The following GAPVD1 variants were observed in gnomAD, a reference collection of about 807,000 sequenced individuals.
GAPVD1 encodes GTPase activating protein and VPS9 domains 1, also known as GTPase-activating protein and VPS9 domain-containing protein 1.
In GAPVD1, 35 loss-of-function variants were observed where a neutral mutation model predicts 155.5. That is an observed-to-expected ratio of 0.23 (90% CI 0.17 to 0.30). The LOEUF (loss-of-function observed/expected upper bound fraction) is 0.30, where lower values mean the gene tolerates loss of function less well. Ranked by LOEUF, GAPVD1 falls within the 10% of genes least tolerant of loss-of-function variation. GAPVD1 has a pLI of 1.00. For synonymous variants in GAPVD1, 636 were observed against 619.7 expected (o/e 1.03, Z -0.39); for missense variants, 1,429 against 1,775.7 (o/e 0.80, Z 3.51).
At chr9:125,265,981 A>G (rs936372425) in intron 1 of GAPVD1, among the ~76,000 whole-genome samples, 5 of 150,090 alleles carry the variant, frequency 3.3e-5, no homozygotes, top group Non-Finnish European at 5.9e-5. Context: ...GGAAAAAAAA[A>G]CTGTTGGTTG....
intron 2 of GAPVD1, among the ~76,000 whole-genome samples, chr9:125,290,929 C>T (rs566735070): frequency 1.3e-5 from 2 of 149,818 alleles, no homozygotes; most frequent in African/African-American, 4.9e-5. Context: ...GAGGTCAAGG[C>T]TGCATTGAGC....
rs778250297 is a variant in GAPVD1 at position 125,296,055 on chromosome 9, C to T, written c.-33+481C>T. 5.9e-5 allele frequency among the ~76,000 whole-genome samples: 9 copies of T among 152,212 alleles called. No individual in the cohort carries two copies. The South Asian group carries it at 8.3e-4, about 14-fold the overall frequency. ...CAAAAACCATTGAAAGATAGCACAG[C>T]GATCATTATATACCTACCACCTCAG... On this transcript the variant is annotated intron_variant, in intron 3 of 27. Transcript: ENST00000297933.
At chr9:125,300,569 A>G (rs1840704218) in intron 4 of GAPVD1, among the ~76,000 whole-genome samples, 3 of 152,148 alleles carry the variant, frequency 2.0e-5, no homozygotes, top group African/African-American at 7.2e-5. Flanking sequence ...TATTTGTATG[A>G]AGTTCAAAAA....
intron 9 of GAPVD1, among the ~76,000 whole-genome samples, chr9:125,320,483 C>T (rs1439451333): frequency 6.6e-6 from 1 of 152,084 alleles, no homozygotes; most frequent in Non-Finnish European, 1.5e-5. Context: ...AGTGGACGTT[C>T]AGACTAGATG....
chr9:125,358,167 G>A (rs550023106), intron 25 of GAPVD1, among the ~76,000 whole-genome samples: 70 of 152,148 alleles, frequency 4.6e-4, no homozygotes, highest in African/African-American at 1.5e-3. Context: ...GTGCAATGGC[G>A]CAATCTTGGC....
chr9:125,350,491 C>T, intron 22 of GAPVD1, 87 bp downstream of exon 22: 1 of 868,150 alleles, frequency 1.2e-6, no homozygotes. Flanking sequence ...TGAAGCTGTA[C>T]AGCAATTCCA....
chr9:125,304,321 A>G (rs927987554), intron 5 of GAPVD1, among the ~76,000 whole-genome samples: 2 of 152,184 alleles, frequency 1.3e-5, no homozygotes, highest in East Asian at 1.9e-4. Flanking sequence ...TTGGCCTCTC[A>G]AAGTGCTGGG....
rs1340705607 is a variant in GAPVD1 at position 125,366,715 on chromosome 9, A to G, written c.*3969A>G. 6.6e-6 allele frequency: 1 copy of G among 152,240 alleles called. No individual in the cohort carries two copies. The allele number at this position is 152,240 out of a possible 1,614,324, so 9.4% of individuals were successfully genotyped here. On this transcript the variant is annotated 3_prime_UTR_variant, in exon 28 of 28. Coordinates refer to ENST00000297933, the MANE Select transcript of GAPVD1 (RefSeq NM_001282680.3). ...TGCCAAAATGCTTGAGAACTTTGCCAGGTTAAAAATTACTTAATATATTTT... is the reference window on the plus strand; with the variant it reads ...TGCCAAAATGCTTGAGAACTTTGCCGGGTTAAAAATTACTTAATATATTTT...
chr9:125,295,285 A>C (rs901826397), intron 2 of GAPVD1, among the ~76,000 whole-genome samples, 173 bp from the exon 3 acceptor site: 2 of 151,872 alleles, frequency 1.3e-5, no homozygotes, highest in Non-Finnish European at 2.9e-5. Flanking sequence ...GTATTGTAAA[A>C]ATTTTCCTAC....
At chr9:125,289,372 T>C (rs898415069) in intron 2 of GAPVD1, among the ~76,000 whole-genome samples, 4 of 152,164 alleles carry the variant, frequency 2.6e-5, no homozygotes, top group African/African-American at 9.7e-5. Flanking sequence ...GTTAGGAAAC[T>C]ATTGCAGTAA....
intron 2 of GAPVD1, among the ~76,000 whole-genome samples, chr9:125,293,878 A>T (rs1489840227): frequency 0.016 from 311 of 18,984 alleles, 20 homozygotes; most frequent in African/African-American, 0.07. Flanking sequence ...ATATATATAT[A>T]TATATATATA....
chr9:125,343,042 A>G (rs926084164), intron 19 of GAPVD1, among the ~76,000 whole-genome samples: 3 of 152,136 alleles, frequency 2.0e-5, no homozygotes, highest in African/African-American at 7.2e-5. Flanking sequence ...ATAGCTGTGT[A>G]TTGTTTCCAG....
chr9:125,344,244 C>T (rs948756710), intron 19 of GAPVD1, among the ~76,000 whole-genome samples: 5 of 152,130 alleles, frequency 3.3e-5, no homozygotes, highest in African/African-American at 1.2e-4. Context: ...CCTGTTATCT[C>T]CTAATCTTTT....
chr9:125,284,853 T>G (rs573207982), intron 2 of GAPVD1, among the ~76,000 whole-genome samples: 5 of 152,314 alleles, frequency 3.3e-5, no homozygotes, highest in Non-Finnish European at 7.3e-5. Context: ...AGTAAGTGTT[T>G]GTGTATCTAA....
At position 125,322,407 on chromosome 9, in the gene GAPVD1, CATTT is replaced by C. The variant is rs375182951; in HGVS notation, c.1732+847_1732+850del. Among the ~76,000 whole-genome samples, 19 of 151,892 alleles carry C rather than the reference CATTT, an allele frequency of 1.3e-4. No individual in the cohort carries two copies. The East Asian group carries it at 2.1e-3, about 17-fold the overall frequency. ...AAAGACAATAGTTCAAATTTACTGA[CATTT>C]AAAAAGAAACCTAAAATATAATAAC... On this transcript the variant is annotated intron_variant, in intron 10 of 27. Coordinates refer to ENST00000297933, the MANE Select transcript of GAPVD1 (RefSeq NM_001282680.3).
chr9:125,305,370 A>G (rs1359615183), intron 6 of GAPVD1, among the ~76,000 whole-genome samples: 3 of 141,424 alleles, frequency 2.1e-5, no homozygotes, highest in Non-Finnish European at 4.5e-5. Context: ...TATTTTAAAA[A>G]GTTTTTTTTT....
chr9:125,345,160 CT>C (rs1848335578), intron 19 of GAPVD1, among the ~76,000 whole-genome samples: 1 of 151,056 alleles, frequency 6.6e-6, no homozygotes, highest in African/African-American at 2.4e-5. Context: ...GTAGTGTTTT[CT>C]TTTTCTTTTC....
At chr9:125,342,038 T>A in intron 18 of GAPVD1, 181 bp from the exon 19 acceptor site, 1 of 538,416 alleles carries the variant, frequency 1.9e-6, no homozygotes, top group Non-Finnish European at 3.3e-6. Context: ...CCGAAGCAGG[T>A]TCTGAAAGTT....
At chr9:125,328,842 C>A (rs947645620) in intron 12 of GAPVD1, among the ~76,000 whole-genome samples, 2 of 144,576 alleles carry the variant, frequency 1.4e-5, no homozygotes, top group South Asian at 2.2e-4. Context: ...GACCCCCCCC[C>A]CACCTCCCTC....
Sources: gnomAD v4.1 joint callset for allele counts (sites outside exome capture counted in the v4.1 genomes callset) on GRCh38, gnomAD v4.1.1 for gene constraint, MANE v1.5 for transcripts, NCBI Gene and HGNC (gene_info 2026-07-23, HGNC 2026-07-21) for gene names.